The following DOK6 variants were observed in gnomAD, a reference collection of about 807,000 sequenced individuals.
DOK6 encodes the protein docking protein 6.
In DOK6, 22 loss-of-function variants were observed where a neutral mutation model predicts 44.0. The observed-to-expected ratio is 0.50, with a 90% CI of 0.36 to 0.71. The LOEUF is 0.71. Among genes scored for constraint, DOK6 ranks in the 30% least tolerant of loss-of-function variants. The pLI is 0.00. For missense variants in DOK6, 340 were observed against 416.4 expected (o/e 0.82, Z 1.60); for synonymous variants, 166 against 145.5 (o/e 1.14, Z -1.01).
Position 69,825,376 on chromosome 18 carries a change from A to G in DOK6, c.857-15868A>G, listed in dbSNP as rs556638190. Among the ~76,000 whole-genome samples, 142 of 151,904 alleles carry G rather than the reference A, an allele frequency of 9.3e-4. 3 individuals carry two copies. Among genetic ancestry groups the G allele is most frequent in the African/African-American group, 3.1e-3 (130 of 41,456 alleles). On this transcript the variant is annotated intron_variant, in intron 7 of 7. Transcript: ENST00000382713. ...AACATTAGCCAACCCATTGTCACCA[A>G]TGTAATCCAAGAATCCAAGAACATT...
Position 69,549,134 on chromosome 18 carries a change from C to T in DOK6, c.67-15353C>T, listed in dbSNP as rs958250907. On this transcript the variant is annotated intron_variant, in intron 1 of 7. Transcript: ENST00000382713. ...CAACAACAAAAAATTTCTACCTTAA[C>T]GTGCCTTAAGTTAAGTTGATGCTGC... Among the ~76,000 whole-genome samples, 49 of 150,350 alleles carry T rather than the reference C, an allele frequency of 3.3e-4. 1 individual carries two copies. The highest frequency in any genetic ancestry group is 5.8e-4 in the Non-Finnish European group (39 of 67,386).
intron 1 of DOK6, among the ~76,000 whole-genome samples, chr18:69,543,985 C>T (rs113537483): frequency 9.9e-5 from 15 of 151,230 alleles, no homozygotes; most frequent in African/African-American, 3.6e-4. Flanking sequence ...AAATGTTCCA[C>T]ATGATTTTGG....
intron 1 of DOK6, among the ~76,000 whole-genome samples, chr18:69,477,221 G>T (rs1194215258): frequency 6.6e-6 from 1 of 152,072 alleles, no homozygotes; most frequent in African/African-American, 2.4e-5. Flanking sequence ...TCTTTTGGGG[G>T]ATCCTATCAG....
At chr18:69,729,903 A>T (rs1243501545) in intron 5 of DOK6, among the ~76,000 whole-genome samples, 1 of 152,220 alleles carries the variant, frequency 6.6e-6, no homozygotes, top group East Asian at 1.9e-4. Context: ...AAAAAGAAGA[A>T]TCTTTAAAGG....
chr18:69,479,313 A>T (rs1345443715), intron 1 of DOK6, among the ~76,000 whole-genome samples: 1 of 152,142 alleles, frequency 6.6e-6, no homozygotes, highest in African/African-American at 2.4e-5. Flanking sequence ...CTCAGAGAGG[A>T]TACAGTAACA....
chr18:69,524,989 C>A (rs868641657), intron 1 of DOK6, among the ~76,000 whole-genome samples: 3 of 145,706 alleles, frequency 2.1e-5, no homozygotes, highest in South Asian at 2.1e-4. Context: ...AGTAAAAAAA[C>A]ATTAATTTTT....
intron 2 of DOK6, among the ~76,000 whole-genome samples, chr18:69,566,164 G>T (rs1191378819): frequency 3.3e-5 from 5 of 151,700 alleles, no homozygotes; most frequent in Non-Finnish European, 7.4e-5. Flanking sequence ...TATAGACGGA[G>T]TCTGGCTCTG....
chr18:69,710,970 G>A (rs972591554), intron 5 of DOK6, among the ~76,000 whole-genome samples: 1 of 152,204 alleles, frequency 6.6e-6, no homozygotes, highest in African/African-American at 2.4e-5. Flanking sequence ...AACATTTGCT[G>A]CTGATCTTAG....
At chr18:69,709,728 A>G (rs1986716177) in intron 5 of DOK6, among the ~76,000 whole-genome samples, 1 of 152,222 alleles carries the variant, frequency 6.6e-6, no homozygotes. Flanking sequence ...GTAAAGAAAA[A>G]AGATATTTTT....
intron 1 of DOK6, 92 bp from the exon 2 acceptor site, chr18:69,564,395 G>A (rs1982919443): frequency 1.9e-6 from 2 of 1,027,056 alleles, no homozygotes; most frequent in South Asian, 1.5e-5. Flanking sequence ...CCTCTCTGAA[G>A]TACACTTAAA....
At chr18:69,561,242 G>A (rs1458037875) in intron 1 of DOK6, among the ~76,000 whole-genome samples, 1 of 152,128 alleles carries the variant, frequency 6.6e-6, no homozygotes, top group African/African-American at 2.4e-5. Context: ...CAGCTAGTAA[G>A]TGGCATAGCC....
chr18:69,634,961 C>T (rs1984769436), intron 3 of DOK6, among the ~76,000 whole-genome samples: 1 of 152,168 alleles, frequency 6.6e-6, no homozygotes, highest in Non-Finnish European at 1.5e-5. Context: ...TAATCTCCTT[C>T]TTAATTTTCT....
At chr18:69,469,043 A>G (rs1469897904) in intron 1 of DOK6, among the ~76,000 whole-genome samples, 1 of 152,182 alleles carries the variant, frequency 6.6e-6, no homozygotes, top group Non-Finnish European at 1.5e-5. Context: ...AGGGGAGAGG[A>G]TGAAGATGGT....
intron 1 of DOK6, among the ~76,000 whole-genome samples, chr18:69,444,017 G>A (rs763994922): frequency 6.6e-6 from 1 of 151,736 alleles, no homozygotes; most frequent in Non-Finnish European, 1.5e-5. Context: ...TACATATACA[G>A]ATATATGCAT....
intron 6 of DOK6, among the ~76,000 whole-genome samples, chr18:69,748,240 A>G (rs1391598422): frequency 2.6e-5 from 4 of 152,150 alleles, no homozygotes; most frequent in African/African-American, 9.7e-5. Context: ...CAGATTCATA[A>G]AACCAGTTCT....
intron 2 of DOK6, among the ~76,000 whole-genome samples, chr18:69,588,737 G>A: frequency 6.6e-6 from 1 of 152,078 alleles, no homozygotes; most frequent in East Asian, 1.9e-4. Context: ...GGAGCTGGAT[G>A]TTGAGTAGAC....
chr18:69,639,159 C>A (rs1984880781), intron 3 of DOK6, among the ~76,000 whole-genome samples: 1 of 152,136 alleles, frequency 6.6e-6, no homozygotes, highest in African/African-American at 2.4e-5. Context: ...AACAGATGAA[C>A]CAAGGAAAAG....
At chr18:69,540,105 A>G (rs1166265564) in intron 1 of DOK6, among the ~76,000 whole-genome samples, 1 of 152,172 alleles carries the variant, frequency 6.6e-6, no homozygotes, top group African/African-American at 2.4e-5. Context: ...AACTGCCCCC[A>G]GGATCCAATC....
chr18:69,753,152 G>A (rs1372519903), intron 6 of DOK6, among the ~76,000 whole-genome samples: 1 of 152,210 alleles, frequency 6.6e-6, no homozygotes, highest in Non-Finnish European at 1.5e-5. Flanking sequence ...AAAGAGAGAT[G>A]AGGATTGGAA....
Sources: gnomAD v4.1 joint callset for allele counts (sites outside exome capture counted in the v4.1 genomes callset) on GRCh38, gnomAD v4.1.1 for gene constraint, MANE v1.5 for transcripts, NCBI Gene and HGNC (gene_info 2026-07-23, HGNC 2026-07-21) for gene names.